The following TTPA variants were observed in gnomAD, a reference collection of about 807,000 sequenced individuals.
TTPA encodes alpha-tocopherol transfer protein.
A neutral mutation model predicts 25.9 loss-of-function variants in TTPA; 23 were observed. The ratio of observed to expected loss-of-function variants is 0.89; its 90% CI spans 0.64 to 1.26. The LOEUF (loss-of-function observed/expected upper bound fraction) is 1.26, where lower values mean the gene tolerates loss of function less well. TTPA is among the 50% of genes most tolerant of loss of function. The pLI, the probability that TTPA is intolerant of heterozygous loss-of-function variation, is 0.00. For missense variants in TTPA, 337 were observed against 353.1 expected (o/e 0.95, Z 0.37); for synonymous variants, 148 against 137.3 (o/e 1.08, Z -0.54).
In TTPA at chr8:63,073,071, A is replaced by T; in HGVS notation, c.222T>A (p.Tyr74Ter). 1 of 1,611,726 alleles carries T rather than the reference A, an allele frequency of 6.2e-7. No homozygotes were observed. Among genetic ancestry groups the T allele is most frequent in the South Asian group, 1.1e-5 (1 of 90,984 alleles). The change falls in exon 2 of 5, where the codon TAT becomes TAA. Residue 74 changes from tyrosine to a stop codon, truncating the protein, a stop_gained. Coordinates refer to ENST00000260116, the MANE Select transcript of TTPA (RefSeq NM_000370.3). LOFTEE classifies it high-confidence loss of function. Reference protein sequence around the residue: ...DLAWRLLKNYYKWRAECPEIS... With the variant: ...DLAWRLLKNY Reference sequence around the variant, plus strand: ...TTTCTGGACATTCTGCTCTCCACTTATAATAGTTTTTTAGTAACTGAAAAA... The same window carrying T: ...TTTCTGGACATTCTGCTCTCCACTTTTAATAGTTTTTTAGTAACTGAAAAA...
At chr8:63,081,849 G>A (rs1369160263) in intron 1 of TTPA, among the ~76,000 whole-genome samples, 3 of 151,802 alleles carry the variant, frequency 2.0e-5, no homozygotes, top group Non-Finnish European at 2.9e-5. Flanking sequence ...CACCAATAAC[G>A]GACAAACAGA....
chr8:63,066,177 A>G (rs1805387522), intron 2 of TTPA, 80 bp from the exon 3 acceptor site: 1 of 1,355,394 alleles, frequency 7.4e-7, no homozygotes, highest in South Asian at 1.3e-5. Flanking sequence ...AATTCATTTT[A>G]TTCTTAAAAG....
intron 2 of TTPA, among the ~76,000 whole-genome samples, chr8:63,069,891 A>C (rs552619824): frequency 6.6e-6 from 1 of 152,350 alleles, no homozygotes; most frequent in Admixed American, 6.5e-5. Flanking sequence ...TTGAGGCAAA[A>C]GAAAAATATA....
At chr8:63,064,183 A>G (rs1254659024) in intron 4 of TTPA, 23 bp downstream of exon 4, 1 of 1,539,568 alleles carries the variant, frequency 6.5e-7, no homozygotes, top group East Asian at 2.3e-5. Flanking sequence ...AGAGGAACAC[A>G]GACTTGAATA....
At chr8:63,080,662 A>G (rs1412942297) in intron 1 of TTPA, among the ~76,000 whole-genome samples, 4 of 151,148 alleles carry the variant, frequency 2.6e-5, no homozygotes, top group Admixed American at 2.6e-4. Flanking sequence ...CAGAGCTTGC[A>G]GTGAGCCGAA....
chr8:63,084,275 T>C (rs1805712007), intron 1 of TTPA, among the ~76,000 whole-genome samples: 1 of 152,206 alleles, frequency 6.6e-6, no homozygotes, highest in Non-Finnish European at 1.5e-5. Context: ...ATTTCACCGG[T>C]TGAATTTATC....
chr8:63,082,552 T>C (rs1164367993), intron 1 of TTPA, among the ~76,000 whole-genome samples: 1 of 152,216 alleles, frequency 6.6e-6, no homozygotes, highest in Non-Finnish European at 1.5e-5. Context: ...GAAGAAAACC[T>C]ATGCAATACC....
chr8:63,073,906 G>T (rs1326018122), intron 1 of TTPA, among the ~76,000 whole-genome samples: 2 of 152,112 alleles, frequency 1.3e-5, no homozygotes, highest in East Asian at 3.9e-4. Flanking sequence ...CTTTCCAAAA[G>T]AACCACCGGA....
chr8:63,073,556 T>C (rs1009525681), intron 1 of TTPA, among the ~76,000 whole-genome samples: 2 of 152,172 alleles, frequency 1.3e-5, no homozygotes, highest in Non-Finnish European at 2.9e-5. Context: ...TACTGAATGA[T>C]AGCAATTCAT....
chr8:63,085,876 T>A lies in TTPA; in HGVS notation c.146A>T (p.Asp49Val). The A allele has an allele frequency of 6.5e-7, 1 of 1,533,142 alleles. No individual in the cohort carries two copies. Among genetic ancestry groups the A allele is most frequent in the Non-Finnish European group, 8.7e-7 (1 of 1,144,678 alleles). 95.0% of individuals were successfully genotyped at this position (1,533,142 alleles called of 1,614,324 possible). The stretch of plus-strand genomic sequence containing the variant: ...GCGCAGGAACCGCAGCAGGAAGGAG[T>A]CGGTGAGCGGCAGCGGCGCGAGCGG... Reference protein sequence around the residue: ...GVPLAPLPLTDSFLLRFLRAR... With the variant: ...GVPLAPLPLTVSFLLRFLRAR... Residue 49 changes from aspartate (D) to valine (V), a missense_variant, in exon 1 of 5, where the codon GAC becomes GTC. Physicochemically the swap from Asp to Val is radical, Grantham distance 152. Coordinates refer to ENST00000260116, the MANE Select transcript of TTPA (RefSeq NM_000370.3).
chr8:63,072,722 G>A (rs1286079647), intron 2 of TTPA, among the ~76,000 whole-genome samples: 1 of 152,170 alleles, frequency 6.6e-6, no homozygotes, highest in African/African-American at 2.4e-5. Context: ...AATTACCAAA[G>A]TGTTATTATA....
intron 4 of TTPA, among the ~76,000 whole-genome samples, chr8:63,062,083 T>C (rs559071139): frequency 1.5e-3 from 230 of 151,948 alleles, no homozygotes; most frequent in South Asian, 2.1e-3. Flanking sequence ...TAGTCCCAGA[T>C]ACTTGGTGGG....
At chr8:63,083,119 C>G (rs968637802) in intron 1 of TTPA, among the ~76,000 whole-genome samples, 9 of 152,148 alleles carry the variant, frequency 5.9e-5, no homozygotes, top group Non-Finnish European at 1.0e-4. Context: ...CCATTTGACC[C>G]AGCAATCCCA....
Position 63,076,633 on chromosome 8 carries a change from G to T in TTPA, c.205-3545C>A, listed in dbSNP as rs556919381. 4.4e-4 allele frequency among the ~76,000 whole-genome samples: 67 copies of T among 152,230 alleles called. 1 individual carries two copies. Among genetic ancestry groups the T allele is most frequent in the Admixed American group, 2.9e-3 (44 of 15,296 alleles). On this transcript the variant is annotated intron_variant, in intron 1 of 4. Coordinates refer to ENST00000260116, the MANE Select transcript of TTPA (RefSeq NM_000370.3). ...AAAAATATATTATGTCCCAGAGGCTGATGGTCAATTTTATTTTTCTATTTA... is the reference window on the plus strand; with the variant it reads ...AAAAATATATTATGTCCCAGAGGCTTATGGTCAATTTTATTTTTCTATTTA...
downstream of TTPA, among the ~76,000 whole-genome samples, chr8:63,059,478 TTAAAC>T (rs1280705145): frequency 6.6e-6 from 1 of 152,166 alleles, no homozygotes; most frequent in Non-Finnish European, 1.5e-5. Context: ...GCTCACCTGA[TTAAAC>T]TAATTTTCTT....
At chr8:63,064,785 AAG>A (rs1805362490) in intron 3 of TTPA, among the ~76,000 whole-genome samples, 1 of 152,206 alleles carries the variant, frequency 6.6e-6, no homozygotes, top group Non-Finnish European at 1.5e-5. Flanking sequence ...TAGAAAGTTT[AAG>A]AAGTTAAGAG....
intron 1 of TTPA, among the ~76,000 whole-genome samples, chr8:63,075,249 T>C (rs1805544560): frequency 1.3e-5 from 2 of 152,230 alleles, no homozygotes; most frequent in Non-Finnish European, 2.9e-5. Context: ...TAAAATGTTA[T>C]GGGTTAACTA....
chr8:63,082,220 C>G (rs984241718), intron 1 of TTPA, among the ~76,000 whole-genome samples: 3 of 152,200 alleles, frequency 2.0e-5, no homozygotes, highest in Non-Finnish European at 4.4e-5. Context: ...CTGGAGGCAT[C>G]ATGCTACCTG....
At chr8:63,061,507 C>CA in intron 4 of TTPA, 82 bp from the exon 5 acceptor site, 1 of 1,216,088 alleles carries the variant, frequency 8.2e-7, no homozygotes, top group Admixed American at 1.8e-5. Context: ...ACAAGGTATT[C>CA]TAATAACTTC....
Sources: allele counts gnomAD v4.1 joint callset (sites outside exome capture counted in the v4.1 genomes callset), GRCh38; gene constraint gnomAD v4.1.1; transcripts MANE v1.5; gene names NCBI Gene and HGNC (gene_info 2026-07-23, HGNC 2026-07-21).